Variants in GRID2 observed in about 807,000 individuals in gnomAD.
GRID2 encodes glutamate receptor ionotropic, delta-2.
In GRID2, 33 loss-of-function variants were observed where a neutral mutation model predicts 114.8. That is an observed-to-expected ratio of 0.29 (90% confidence interval 0.22 to 0.38). GRID2 has a LOEUF of 0.38. Ranked by LOEUF, GRID2 falls within the 10% of genes least tolerant of loss-of-function variation. The pLI is 1.00. For synonymous variants in GRID2, 505 were observed against 449.9 expected, an observed-to-expected ratio of 1.12 and a Z score of -1.55; for missense variants, 1,184 against 1,257.7, an observed-to-expected ratio of 0.94 and a Z score of 0.89.
intron 8 of GRID2, among the ~76,000 whole-genome samples, chr4:93,368,163 A>T (rs1762520251): frequency 6.6e-6 from 1 of 152,190 alleles, no homozygotes; most frequent in Non-Finnish European, 1.5e-5. Flanking sequence ...TCCAGTTAGT[A>T]GCTACATTTT....
At chr4:92,355,256 T>A (rs879476330) in intron 1 of GRID2, among the ~76,000 whole-genome samples, 13 of 151,892 alleles carry the variant, frequency 8.6e-5, no homozygotes, top group Non-Finnish European at 2.9e-5. Flanking sequence ...TGGCTGTAGA[T>A]TTTTCTCTTC....
At chr4:92,649,050 A>T (rs866393146) in intron 2 of GRID2, among the ~76,000 whole-genome samples, 8 of 474 alleles carry the variant, frequency 0.017, no homozygotes, top group Non-Finnish European at 0.051. Flanking sequence ...ATATATATAT[A>T]ATATATATAT....
chr4:92,838,390 T>C (rs1578273021), intron 2 of GRID2, among the ~76,000 whole-genome samples: 1 of 152,088 alleles, frequency 6.6e-6, no homozygotes, highest in South Asian at 2.1e-4. Context: ...TTTTTTATGA[T>C]AATAGTCTAC....
intron 1 of GRID2, among the ~76,000 whole-genome samples, chr4:92,520,463 C>T (rs1724714473): frequency 6.6e-6 from 1 of 151,828 alleles, no homozygotes; most frequent in Non-Finnish European, 1.5e-5. Flanking sequence ...TAACTACCTT[C>T]TTCCACTGCC....
intron 8 of GRID2, among the ~76,000 whole-genome samples, chr4:93,337,880 A>T (rs1759247597): frequency 1.3e-5 from 2 of 152,192 alleles, no homozygotes; most frequent in African/African-American, 2.4e-5. Flanking sequence ...AAAATAATTT[A>T]AAAAGGGCTT....
At chr4:93,150,322 T>C (rs994866761) in intron 4 of GRID2, among the ~76,000 whole-genome samples, 1 of 152,158 alleles carries the variant, frequency 6.6e-6, no homozygotes, top group Non-Finnish European at 1.5e-5. Context: ...CCATTATATC[T>C]ATTATATATT....
At chr4:93,012,786 C>T (rs529449714) in intron 2 of GRID2, among the ~76,000 whole-genome samples, 2 of 151,984 alleles carry the variant, frequency 1.3e-5, no homozygotes, top group African/African-American at 2.4e-5. Context: ...TAAAGTTATT[C>T]TTACTATGGA....
intron 11 of GRID2, among the ~76,000 whole-genome samples, chr4:93,486,321 C>T (rs545344668): frequency 1.3e-5 from 2 of 151,520 alleles, no homozygotes; most frequent in East Asian, 1.9e-4. Context: ...TCATTCTTTC[C>T]AATTCCTAAA....
chr4:92,469,156 G>A (rs746086909), intron 1 of GRID2, among the ~76,000 whole-genome samples: 9 of 152,032 alleles, frequency 5.9e-5, no homozygotes, highest in Non-Finnish European at 1.2e-4. Context: ...TTATTATCCC[G>A]TCAGGAAAAC....
rs559702742 is a variant in GRID2 at position 92,666,088 on chromosome 4, C to T, written c.244+75802C>T. ...GATTGTGTTTTATACCTTTAGTTTT[C>T]ACTTTCTTCAGTCATTTTTTATTTC... On this transcript the variant is annotated intron_variant, in intron 2 of 15. Transcript: ENST00000282020. Among the ~76,000 whole-genome samples, 220 of 151,444 alleles carry T rather than the reference C, an allele frequency of 1.5e-3. 1 individual carries two copies. The highest frequency in any genetic ancestry group is 5.2e-3 in the African/African-American group (216 of 41,428).
chr4:93,523,690 G>A (rs1258180352), intron 13 of GRID2, among the ~76,000 whole-genome samples: 1 of 152,080 alleles, frequency 6.6e-6, no homozygotes, highest in Admixed American at 6.6e-5. Context: ...CTGAGGTGTG[G>A]GGCCCCTCTT....
intron 14 of GRID2, among the ~76,000 whole-genome samples, chr4:93,692,650 T>C (rs1726669675): frequency 6.6e-6 from 1 of 152,228 alleles, no homozygotes. Flanking sequence ...TTTAATCATA[T>C]GTAATATAAT....
At chr4:93,553,227 C>T (rs556225380) in intron 13 of GRID2, among the ~76,000 whole-genome samples, 45 of 152,248 alleles carry the variant, frequency 3.0e-4, no homozygotes, top group Non-Finnish European at 4.9e-4. Context: ...AGTGGTTGAA[C>T]GAATTTGCAC....
chr4:93,498,806 T>C (rs904769344), intron 12 of GRID2, among the ~76,000 whole-genome samples: 1 of 151,892 alleles, frequency 6.6e-6, no homozygotes, highest in Non-Finnish European at 1.5e-5. Flanking sequence ...GAATTTACAA[T>C]ACTATGTCAA....
At chr4:92,408,392 G>A (rs1268504824) in intron 1 of GRID2, among the ~76,000 whole-genome samples, 2 of 69,094 alleles carry the variant, frequency 2.9e-5, no homozygotes, top group Non-Finnish European at 6.0e-5. Flanking sequence ...CTTTGGCTTT[G>A]TGCTTTTTTT....
At chr4:93,005,908 A>G (rs1472872862) in intron 2 of GRID2, among the ~76,000 whole-genome samples, 1 of 151,980 alleles carries the variant, frequency 6.6e-6, no homozygotes, top group Non-Finnish European at 1.5e-5. Flanking sequence ...ACCACTCTCC[A>G]TTTACATCTC....
At chr4:92,472,123 C>T (rs1379921183) in intron 1 of GRID2, among the ~76,000 whole-genome samples, 2 of 84,464 alleles carry the variant, frequency 2.4e-5, no homozygotes, top group East Asian at 2.7e-4. Flanking sequence ...TTAGTAGAGA[C>T]GGGGTTTCAC....
At chr4:92,694,021 G>A (rs562640680) in intron 2 of GRID2, among the ~76,000 whole-genome samples, 5 of 152,250 alleles carry the variant, frequency 3.3e-5, no homozygotes, top group African/African-American at 9.6e-5. Flanking sequence ...TTGACAGATT[G>A]AGGATTTGTG....
intron 1 of GRID2, among the ~76,000 whole-genome samples, chr4:93,795,988 G>A (rs1328601967): frequency 1.3e-5 from 2 of 152,170 alleles, no homozygotes; most frequent in African/African-American, 4.8e-5. Context: ...TCTCTTCCAA[G>A]TTCACATGGT....
Sources: gnomAD v4.1 joint callset for allele counts (sites outside exome capture counted in the v4.1 genomes callset) on GRCh38, gnomAD v4.1.1 for gene constraint, MANE v1.5 for transcripts, NCBI Gene and HGNC (gene_info 2026-07-23, HGNC 2026-07-21) for gene names.